Variants in APP observed in about 807,000 individuals in gnomAD.
APP encodes the protein amyloid beta precursor protein.
Under a neutral mutation model 101.4 loss-of-function variants are expected in APP, and 31 were observed. The ratio of observed to expected loss-of-function variants is 0.31; its 90% CI spans 0.23 to 0.41. The LOEUF (loss-of-function observed/expected upper bound fraction) is 0.41, where lower values mean the gene tolerates loss of function less well. Ranked by LOEUF, APP falls within the 10% of genes least tolerant of loss-of-function variation. The probability of loss-of-function intolerance (pLI) is 1.00; values close to 1 mark genes in which losing one functional copy is unlikely to be tolerated. For synonymous variants in APP, 366 were observed against 364.4 expected, an observed-to-expected ratio of 1.00 and a Z score of -0.05; for missense variants, 839 against 1,003.7, an observed-to-expected ratio of 0.84 and a Z score of 2.22.
intron 6 of APP, among the ~76,000 whole-genome samples, chr21:26,017,190 C>G (rs1294723986): frequency 2.2e-5 from 1 of 45,410 alleles, no homozygotes; most frequent in African/African-American, 1.3e-4. Flanking sequence ...CAGAGCGAGA[C>G]TGTATCTCAA....
At chr21:26,093,293 CTGAGGGACA>C (rs1445106989) in intron 2 of APP, among the ~76,000 whole-genome samples, 1 of 152,176 alleles carries the variant, frequency 6.6e-6, no homozygotes, top group African/African-American at 2.4e-5. Flanking sequence ...AGAGTCCACC[CTGAGGGACA>C]TGACTTTATG....
intron 6 of APP, among the ~76,000 whole-genome samples, chr21:26,011,640 C>A (rs904900249): frequency 6.6e-6 from 1 of 152,054 alleles, no homozygotes; most frequent in Non-Finnish European, 1.5e-5. Context: ...CAAGCAAACA[C>A]CAGAAGGATT....
intron 1 of APP, among the ~76,000 whole-genome samples, chr21:26,154,926 T>A (rs894756277): frequency 3.3e-5 from 5 of 152,236 alleles, no homozygotes; most frequent in African/African-American, 1.2e-4. Context: ...GGCTACTAAG[T>A]ACTTGACATG....
intron 8 of APP, among the ~76,000 whole-genome samples, chr21:25,985,447 T>C (rs1027710489): frequency 1.3e-5 from 2 of 152,174 alleles, no homozygotes; most frequent in East Asian, 3.9e-4. Flanking sequence ...GGGCAGAGGA[T>C]GGAGCAGTTC....
intron 13 of APP, among the ~76,000 whole-genome samples, chr21:25,950,661 C>A (rs928461200): frequency 6.6e-6 from 1 of 151,774 alleles, no homozygotes; most frequent in Non-Finnish European, 1.5e-5. Context: ...TTTGTTTTGT[C>A]TTTTGTTTTT....
chr21:26,143,217 T>G (rs2063084467), intron 1 of APP, among the ~76,000 whole-genome samples: 1 of 152,232 alleles, frequency 6.6e-6, no homozygotes, highest in African/African-American at 2.4e-5. Flanking sequence ...CTCATGCCTA[T>G]AATCCTAATA....
At chr21:26,074,525 C>A (rs2061466850) in intron 3 of APP, among the ~76,000 whole-genome samples, 1 of 152,168 alleles carries the variant, frequency 6.6e-6, no homozygotes, top group South Asian at 2.1e-4. Flanking sequence ...CCGAGGCGGG[C>A]AGATCTGTTG....
chr21:25,983,075 A>T (rs1161035922), intron 8 of APP, among the ~76,000 whole-genome samples: 1 of 152,248 alleles, frequency 6.6e-6, no homozygotes, highest in Non-Finnish European at 1.5e-5. Flanking sequence ...GTCTTCATAA[A>T]TTTGACAATA....
intron 3 of APP, among the ~76,000 whole-genome samples, chr21:26,084,423 A>G (rs2061663242): frequency 6.6e-6 from 1 of 151,988 alleles, no homozygotes; most frequent in African/African-American, 2.4e-5. Flanking sequence ...TATTTTTAGT[A>G]GAGACGGGGT....
At chr21:26,056,698 C>T (rs2046056169) in intron 3 of APP, among the ~76,000 whole-genome samples, 1 of 152,108 alleles carries the variant, frequency 6.6e-6, no homozygotes, top group Admixed American at 6.5e-5. Flanking sequence ...TTATATTGCA[C>T]AAAGCTAAGA....
At chr21:26,074,309 G>A (rs1302434281) in intron 3 of APP, among the ~76,000 whole-genome samples, 1 of 152,140 alleles carries the variant, frequency 6.6e-6, no homozygotes, top group Non-Finnish European at 1.5e-5. Flanking sequence ...CCACATTCAT[G>A]TAATCACTTA....
At chr21:26,009,580 T>TTTCTC (rs1568849082) in intron 6 of APP, 2 of 141,752 alleles carry the variant, frequency 1.4e-5, no homozygotes, top group Admixed American at 1.5e-4. Context: ...ATATACTTCC[T>TTTCTC]TTTTCTTTTC....
At chr21:25,930,586 T>TTATATA (rs34986093) in intron 13 of APP, among the ~76,000 whole-genome samples, 5,622 of 150,060 alleles carry the variant, frequency 0.037, 145 homozygotes, top group South Asian at 0.059. Flanking sequence ...ATAGCACAAA[T>TTATATA]TATATATATA....
At chr21:26,025,009 T>C in intron 5 of APP, among the ~76,000 whole-genome samples, 1 of 152,166 alleles carries the variant, frequency 6.6e-6, no homozygotes, top group East Asian at 1.9e-4. Context: ...TCCACAAGAC[T>C]AGGACGAAAT....
chr21:25,900,385 A>C (rs2038370050), intron 15 of APP, among the ~76,000 whole-genome samples: 1 of 125,344 alleles, frequency 8.0e-6, no homozygotes, highest in African/African-American at 3.8e-5. Flanking sequence ...ATACAAAAAA[A>C]AAAAAAAAAA....
chr21:26,131,186 A>G (rs1296526704), intron 1 of APP, among the ~76,000 whole-genome samples: 1 of 152,098 alleles, frequency 6.6e-6, no homozygotes, highest in Non-Finnish European at 1.5e-5. Flanking sequence ...CCAAGATCGC[A>G]CCACTGCACT....
chr21:26,014,304 TGTAA>T (rs914382146), intron 6 of APP, among the ~76,000 whole-genome samples: 6 of 152,208 alleles, frequency 3.9e-5, no homozygotes, highest in Non-Finnish European at 7.3e-5. Context: ...TAGGATACCT[TGTAA>T]GTGTCATGTC....
At chr21:25,938,119 A>C (rs1305640869) in intron 13 of APP, among the ~76,000 whole-genome samples, 1 of 152,222 alleles carries the variant, frequency 6.6e-6, no homozygotes, top group Non-Finnish European at 1.5e-5. Context: ...GGACATTAAT[A>C]AGCAGTTTAT....
intron 7 of APP, among the ~76,000 whole-genome samples, chr21:25,999,569 A>G (rs543446126): frequency 1.3e-5 from 2 of 152,342 alleles, no homozygotes; most frequent in Admixed American, 6.5e-5. Flanking sequence ...CACCTTATCA[A>G]TGCAACTCAA....
Sources: allele counts gnomAD v4.1 joint callset (sites outside exome capture counted in the v4.1 genomes callset), GRCh38; gene constraint gnomAD v4.1.1; transcripts MANE v1.5; gene names NCBI Gene and HGNC (gene_info 2026-07-23, HGNC 2026-07-21).